Variants in LUZP2 observed in about 807,000 individuals in gnomAD.
The protein encoded by LUZP2 is leucine zipper protein 2.
In LUZP2, 52 loss-of-function variants were observed where a neutral mutation model predicts 51.6. The ratio of observed to expected loss-of-function variants is 1.01; its 90% CI spans 0.81 to 1.27. The LOEUF (loss-of-function observed/expected upper bound fraction) is 1.27. Among genes scored for constraint, LUZP2 ranks in the 50% most tolerant of loss-of-function variants. LUZP2 has a pLI of 0.00. For synonymous variants in LUZP2, 154 were observed against 137.3 expected (o/e 1.12, Z -0.85); for missense variants, 436 against 395.4 (o/e 1.10, Z -0.87).
intron 5 of LUZP2, among the ~76,000 whole-genome samples, chr11:24,807,118 A>G (rs912432256): frequency 1.3e-5 from 2 of 151,942 alleles, no homozygotes; most frequent in Non-Finnish European, 2.9e-5. Flanking sequence ...GGAAAAAGTA[A>G]TATCTCTTCC....
intron 1 of LUZP2, among the ~76,000 whole-genome samples, chr11:24,616,013 C>T (rs1487954945): frequency 3.3e-5 from 5 of 150,298 alleles, no homozygotes; most frequent in African/African-American, 1.2e-4. Context: ...AGTTTGGTTG[C>T]CTTTTTTTTT....
chr11:24,907,205 T>C (rs1191573421), intron 6 of LUZP2, among the ~76,000 whole-genome samples: 3 of 150,442 alleles, frequency 2.0e-5, no homozygotes, highest in African/African-American at 2.4e-5. Context: ...AAAATGTCAC[T>C]AGGTCAGTGG....
chr11:24,727,457 T>A (rs1219668003), intron 1 of LUZP2, among the ~76,000 whole-genome samples: 1 of 151,980 alleles, frequency 6.6e-6, no homozygotes, highest in African/African-American at 2.4e-5. Flanking sequence ...TCAGAACAAA[T>A]TCATGAGAAA....
At position 24,958,781 on chromosome 11, in the gene LUZP2, G is replaced by T. The variant is rs887139818; in HGVS notation, c.523-17810G>T. On this transcript the variant is annotated intron_variant, in intron 7 of 11. Transcript: ENST00000336930. ...AATTAGATCCCATTTGTCAATTTTG[G>T]CTTTTGTTGCCATTGCTTTTGGTGT... Among the ~76,000 whole-genome samples, 331 of 152,154 alleles carry T rather than the reference G, an allele frequency of 2.2e-3. 1 individual carries two copies. Among genetic ancestry groups the T allele is most frequent in the African/African-American group, 7.6e-3 (315 of 41,482 alleles).
intron 5 of LUZP2, among the ~76,000 whole-genome samples, chr11:24,901,401 A>T (rs76445678): frequency 1.6e-4 from 7 of 44,420 alleles, no homozygotes; most frequent in African/African-American, 3.6e-4. Flanking sequence ...TCACTTCATT[A>T]AAAAAAAAAA....
chr11:24,548,344 T>A (rs1195122883), intron 1 of LUZP2, among the ~76,000 whole-genome samples: 2 of 152,090 alleles, frequency 1.3e-5, no homozygotes, highest in East Asian at 3.9e-4. Context: ...ATGTGGTACA[T>A]ATATACCATG....
intron 1 of LUZP2, among the ~76,000 whole-genome samples, chr11:24,658,927 G>T (rs1477772062): frequency 6.6e-6 from 1 of 152,198 alleles, no homozygotes; most frequent in Non-Finnish European, 1.5e-5. Context: ...AACAACAGGT[G>T]CTGGAGAGGA....
intron 5 of LUZP2, among the ~76,000 whole-genome samples, chr11:24,802,073 CTTCA>C (rs1159526327): frequency 6.6e-6 from 1 of 151,974 alleles, no homozygotes; most frequent in Non-Finnish European, 1.5e-5. Context: ...CTAATCCTCC[CTTCA>C]TTCATTACCC....
chr11:24,752,381 G>T (rs1859624497), intron 4 of LUZP2, among the ~76,000 whole-genome samples: 1 of 152,126 alleles, frequency 6.6e-6, no homozygotes, highest in Non-Finnish European at 1.5e-5. Context: ...GCATTCAAAT[G>T]TTAAAGCACG....
chr11:24,497,799 G>T (rs760288423), intron 1 of LUZP2, among the ~76,000 whole-genome samples: 2 of 152,188 alleles, frequency 1.3e-5, no homozygotes, highest in Non-Finnish European at 2.9e-5. Flanking sequence ...AAAAGTTCCT[G>T]GACTCCTGAA....
rs145625235 is a variant in LUZP2 at position 24,633,272 on chromosome 11, T to C, written c.63-95897T>C. 7.3e-3 allele frequency among the ~76,000 whole-genome samples: 1,117 copies of C among 152,176 alleles called. 15 individuals are homozygous for C. The highest frequency in any genetic ancestry group is 0.024 in the African/African-American group (987 of 41,584). On this transcript the variant is annotated intron_variant, in intron 1 of 11. Coordinates refer to ENST00000336930, the MANE Select transcript of LUZP2 (RefSeq NM_001009909.4). ...GAAACAAACAGATCTGCCACAATGC[T>C]TTCAAGTATTTAAAAATAAAATGAG...
chr11:25,002,505 A>G (rs1262198795), intron 9 of LUZP2, among the ~76,000 whole-genome samples: 1 of 152,194 alleles, frequency 6.6e-6, no homozygotes, highest in Admixed American at 6.5e-5. Context: ...TCTGATATCC[A>G]TAAACTTCCT....
intron 1 of LUZP2, among the ~76,000 whole-genome samples, chr11:24,641,744 GA>G (rs1855292045): frequency 6.6e-6 from 1 of 151,756 alleles, no homozygotes; most frequent in South Asian, 2.1e-4. Context: ...ATTTATCTTT[GA>G]AAACCTGGGT....
At chr11:24,762,329 G>A (rs1468519836) in intron 4 of LUZP2, among the ~76,000 whole-genome samples, 1 of 151,986 alleles carries the variant, frequency 6.6e-6, no homozygotes, top group African/African-American at 2.4e-5. Context: ...TCCAAACTGA[G>A]ATGTACTGTA....
chr11:24,966,213 G>T, intron 7 of LUZP2, among the ~76,000 whole-genome samples: 1 of 151,374 alleles, frequency 6.6e-6, no homozygotes, highest in African/African-American at 2.4e-5. Context: ...AAATGTGGTT[G>T]TTTGTATTTT....
intron 1 of LUZP2, among the ~76,000 whole-genome samples, chr11:24,502,438 G>A (rs1448506768): frequency 1.3e-5 from 2 of 150,362 alleles, no homozygotes; most frequent in African/African-American, 2.5e-5. Flanking sequence ...AGGCTGAAGT[G>A]TAGTGGTGCC....
chr11:24,859,585 G>A (rs560240177), intron 5 of LUZP2, among the ~76,000 whole-genome samples: 12 of 152,114 alleles, frequency 7.9e-5, no homozygotes, highest in South Asian at 2.1e-4. Flanking sequence ...CATGGTGCTC[G>A]GAGGCTTCCA....
At chr11:24,619,724 T>G (rs914930040) in intron 1 of LUZP2, among the ~76,000 whole-genome samples, 3 of 152,218 alleles carry the variant, frequency 2.0e-5, no homozygotes, top group African/African-American at 7.2e-5. Context: ...TATATGATCT[T>G]GTATACTTTA....
At chr11:24,508,309 G>A (rs560203460) in intron 1 of LUZP2, among the ~76,000 whole-genome samples, 10 of 152,094 alleles carry the variant, frequency 6.6e-5, no homozygotes, top group South Asian at 2.1e-4. Flanking sequence ...ATGCCCTTCC[G>A]CAAATAAATA....
Sources: allele counts gnomAD v4.1 joint callset (sites outside exome capture counted in the v4.1 genomes callset), GRCh38; gene constraint gnomAD v4.1.1; transcripts MANE v1.5; gene names NCBI Gene and HGNC (gene_info 2026-07-23, HGNC 2026-07-21).